PCDHA1: variants seen among roughly 807,000 people sequenced by gnomAD.
PCDHA1 encodes protocadherin alpha-1.
In PCDHA1, 42 loss-of-function variants were observed where a neutral mutation model predicts 61.3. The ratio of observed to expected loss-of-function variants is 0.69; its 90% CI spans 0.54 to 0.89. The LOEUF (loss-of-function observed/expected upper bound fraction) is 0.89. Ranked by LOEUF, PCDHA1 falls within the 40% of genes least tolerant of loss-of-function variation. The probability of loss-of-function intolerance (pLI) is 0.00; values close to 1 mark genes in which losing one functional copy is unlikely to be tolerated. For missense variants in PCDHA1, 1,256 were observed against 1,235.3 expected, an observed-to-expected ratio of 1.02 and a Z score of -0.25; for synonymous variants, 610 against 553.8, an observed-to-expected ratio of 1.10 and a Z score of -1.43.
chr5:140,799,018 C>A (rs1762386789), intron 1 of PCDHA1, among the ~76,000 whole-genome samples: 1 of 152,156 alleles, frequency 6.6e-6, no homozygotes, highest in South Asian at 2.1e-4. Context: ...ATGTTTCTAC[C>A]ATAGGTAAAT....
chr5:140,836,405 G>C, intron 1 of PCDHA1: 1 of 1,613,802 alleles, frequency 6.2e-7, no homozygotes, highest in East Asian at 2.2e-5. Context: ...AAAGCGGCCA[G>C]GCACCAAAGG....
chr5:140,794,789 C>T, intron 1 of PCDHA1: 1 of 682,846 alleles, frequency 1.5e-6, no homozygotes, highest in Non-Finnish European at 2.4e-6. Context: ...CTTTTAGCCA[C>T]ATGATGTCGC....
In PCDHA1 at chr5:140,842,731, G is replaced by A. The variant is rs202126810; in HGVS notation, c.2394+54047G>A. Reference sequence around the variant, plus strand: ...TGTTCGTGAAGGAGAACAACCCGCCGGGCTGCCACATCTTCACGGTGTCTG... The same window carrying A: ...TGTTCGTGAAGGAGAACAACCCGCCAGGCTGCCACATCTTCACGGTGTCTG... On this transcript the variant is annotated intron_variant, in intron 1 of 3. Coordinates refer to ENST00000504120, the MANE Select transcript of PCDHA1 (RefSeq NM_018900.4). The A allele has an allele frequency of 1.1e-5, 17 of 1,594,938 alleles. 3 individuals are homozygous for A. The highest frequency in any genetic ancestry group is 5.1e-5 in the Admixed American group (3 of 59,276).
chr5:140,924,978 T>A (rs2082232142), intron 1 of PCDHA1, among the ~76,000 whole-genome samples: 1 of 151,330 alleles, frequency 6.6e-6, no homozygotes, highest in Non-Finnish European at 1.5e-5. Flanking sequence ...CAGTGGCTCA[T>A]GTCTGTAATC....
intron 1 of PCDHA1, chr5:140,851,724 A>G: frequency 1.0e-6 from 1 of 967,484 alleles, no homozygotes; most frequent in Non-Finnish European, 1.2e-6. Context: ...CGAAACTTCG[A>G]GTTCTTTTGA....
intron 1 of PCDHA1, chr5:140,882,497 G>A (rs1554174299): frequency 6.2e-7 from 1 of 1,614,140 alleles, no homozygotes; most frequent in South Asian, 1.1e-5. Context: ...CCTTCTGGAG[G>A]TAAATCTGCA....
At chr5:140,823,665 C>A (rs782647575) in intron 1 of PCDHA1, 3 of 1,614,048 alleles carry the variant, frequency 1.9e-6, no homozygotes, top group Non-Finnish European at 2.5e-6. Flanking sequence ...CAGGCGAGAT[C>A]AGCACAACAC....
chr5:140,842,938 C>T (rs2150348159), intron 1 of PCDHA1: 14 of 1,594,434 alleles, frequency 8.8e-6, no homozygotes, highest in South Asian at 5.5e-5. Context: ...GCGCGCGCGA[C>T]GCGGGCGTGC....
chr5:140,829,832 G>A, intron 1 of PCDHA1: 1 of 1,613,932 alleles, frequency 6.2e-7, no homozygotes, highest in Non-Finnish European at 8.5e-7. Flanking sequence ...GAGCGAGCTG[G>A]TGCCGCGGTC....
intron 1 of PCDHA1, among the ~76,000 whole-genome samples, chr5:140,914,947 T>TC (rs1232423561): frequency 7.0e-6 from 1 of 142,282 alleles, no homozygotes; most frequent in Non-Finnish European, 1.5e-5. Context: ...AAGTTGTCTT[T>TC]TTTTTTTTTT....
chr5:140,894,827 T>G (rs2064691411), intron 1 of PCDHA1, among the ~76,000 whole-genome samples: 1 of 152,192 alleles, frequency 6.6e-6, no homozygotes, highest in South Asian at 2.1e-4. Flanking sequence ...TTGCCCATAA[T>G]CCTTTTCTTA....
chr5:140,807,794 G>A (rs1554124277), intron 1 of PCDHA1: 1 of 1,614,154 alleles, frequency 6.2e-7, no homozygotes, highest in East Asian at 2.2e-5. Context: ...TTTAGACAGA[G>A]AAGAAGCTCC....
chr5:140,858,438 T>C (rs1175682550), intron 1 of PCDHA1: 1 of 1,540,812 alleles, frequency 6.5e-7, no homozygotes, highest in Admixed American at 2.0e-5. Context: ...TCTAGGAAGG[T>C]GGGTTATTAC....
chr5:140,802,039 T>C, intron 1 of PCDHA1: 4 of 1,614,190 alleles, frequency 2.5e-6, no homozygotes, highest in Non-Finnish European at 2.5e-6. Flanking sequence ...GCGTATTCTT[T>C]CAATACGGAC....
intron 1 of PCDHA1, among the ~76,000 whole-genome samples, chr5:140,832,430 A>G (rs1250957305): frequency 6.6e-6 from 1 of 152,222 alleles, no homozygotes; most frequent in Non-Finnish European, 1.5e-5. Context: ...AGTACATGAT[A>G]ATTTTTAAGC....
At chr5:140,801,670 C>G in intron 1 of PCDHA1, 1 of 1,614,208 alleles carries the variant, frequency 6.2e-7, no homozygotes, top group Non-Finnish European at 8.5e-7. Flanking sequence ...GAGGGCGCAT[C>G]AGATGCAGAT....
chr5:140,821,905 G>T (rs2150111828), intron 1 of PCDHA1: 1 of 1,614,238 alleles, frequency 6.2e-7, no homozygotes, highest in Non-Finnish European at 8.5e-7. Flanking sequence ...CGGAACCTTC[G>T]TTGGCCGCAT....
chr5:140,947,905 G>C (rs181055131), intron 1 of PCDHA1, among the ~76,000 whole-genome samples: 1 of 151,610 alleles, frequency 6.6e-6, no homozygotes, highest in East Asian at 1.9e-4. Flanking sequence ...GGTGAGAGCA[G>C]ACATTCTTGC....
At chr5:140,937,199 G>T (rs2091405017) in intron 1 of PCDHA1, among the ~76,000 whole-genome samples, 1 of 151,792 alleles carries the variant, frequency 6.6e-6, no homozygotes, top group African/African-American at 2.4e-5. Flanking sequence ...CACCATGCCC[G>T]GCTAATTTTT....
Sources: gnomAD v4.1 joint callset for allele counts (sites outside exome capture counted in the v4.1 genomes callset) on GRCh38, gnomAD v4.1.1 for gene constraint, MANE v1.5 for transcripts, NCBI Gene and HGNC (gene_info 2026-07-23, HGNC 2026-07-21) for gene names.